The following SEPTIN3 variants were observed in gnomAD, a reference collection of about 807,000 sequenced individuals.
SEPTIN3 encodes the protein septin 3.
Under a neutral mutation model 45.1 loss-of-function variants are expected in SEPTIN3, and 15 were observed. The observed-to-expected ratio is 0.33, with a 90% CI of 0.22 to 0.51. The LOEUF (loss-of-function observed/expected upper bound fraction) is 0.51, where lower values mean the gene tolerates loss of function less well. Ranked by LOEUF, SEPTIN3 falls within the 20% of genes least tolerant of loss-of-function variation. The probability of loss-of-function intolerance (pLI) is 0.97; values close to 1 mark genes in which losing one functional copy is unlikely to be tolerated. For missense variants in SEPTIN3, 289 were observed against 457.2 expected (o/e 0.63, Z 3.35); for synonymous variants, 148 against 164.8 (o/e 0.90, Z 0.78).
chr22:41,986,969 C>T (rs2078219395), intron 4 of SEPTIN3, among the ~76,000 whole-genome samples: 1 of 151,998 alleles, frequency 6.6e-6, no homozygotes, highest in African/African-American at 2.4e-5. Context: ...GAGTGAGACC[C>T]TGTCTCTTAA....
At chr22:41,973,529 C>T (rs1006995226) in intron 2 of SEPTIN3, among the ~76,000 whole-genome samples, 249 of 147,160 alleles carry the variant, frequency 1.7e-3, no homozygotes, top group African/African-American at 5.6e-3. Flanking sequence ...AAAAATTAGC[C>T]GGACGTGGTG....
chr22:41,991,503 A>G, intron 7 of SEPTIN3, 70 bp from the exon 8 acceptor site: 1 of 1,114,474 alleles, frequency 9.0e-7, no homozygotes, highest in Non-Finnish European at 1.4e-6. Flanking sequence ...GCTCACGCAC[A>G]CAGGTGCACA....
chr22:41,976,501 C>G lies in SEPTIN3; in HGVS notation c.1504+3505C>G, dbSNP rs374363864. On this transcript the variant is annotated intron_variant, in intron 2 of 11. Transcript: ENST00000644076. The surrounding 1 kb of genome is among the most constrained non-coding windows in gnomAD (Gnocchi z 5.8). ...CACCCGCGCAACACCCCAGCCCCCG[C>G]GTGACTCACGCGCGCTCACGGCCGC... The G allele has an allele frequency of 6.6e-6, 1 of 152,458 alleles. No homozygotes were observed. 9.4% of individuals were successfully genotyped at this position (152,458 alleles called of 1,614,324 possible). A position where few individuals can be genotyped will look rare whatever the true frequency, so the allele number is the denominator to read the frequency against.
intron 2 of SEPTIN3, among the ~76,000 whole-genome samples, chr22:41,978,362 G>A (rs931068361): frequency 6.6e-6 from 1 of 152,208 alleles, no homozygotes; most frequent in Non-Finnish European, 1.5e-5. Context: ...CCCTAAAGAA[G>A]GGTGAGAACT....
chr22:41,976,946 G>C lies in SEPTIN3; in HGVS notation c.1504+3950G>C, dbSNP rs535227281. 1 of 855,674 alleles carries C rather than the reference G, an allele frequency of 1.2e-6. No homozygotes were observed. The highest frequency in any genetic ancestry group is 2.6e-5 in the South Asian group (1 of 38,688). The allele number at this position is 855,674 out of a possible 1,614,324, so 53.0% of individuals were successfully genotyped here. ...CGGGCCGGGCGGGTGGGAGGAGAGCGCGAAGGGGCGAGGCCCGTTTGCAGG... is the reference window on the plus strand; with the variant it reads ...CGGGCCGGGCGGGTGGGAGGAGAGCCCGAAGGGGCGAGGCCCGTTTGCAGG... On this transcript the variant is annotated intron_variant, in intron 2 of 11. Transcript: ENST00000644076. This position sits in a 1 kb window ranked among gnomAD's most constrained non-coding sequence, Gnocchi z 5.8.
At chr22:41,986,228 A>C in intron 4 of SEPTIN3, 116 bp downstream of exon 4, 1 of 1,264,060 alleles carries the variant, frequency 7.9e-7, no homozygotes, top group South Asian at 1.4e-5. Flanking sequence ...TTAAGACAAA[A>C]CAGACGTGAG....
chr22:41,985,756 A>G, intron 3 of SEPTIN3: 1 of 382,150 alleles, frequency 2.6e-6, no homozygotes, highest in Non-Finnish European at 4.8e-6. Flanking sequence ...GGCTCTGGGA[A>G]GGAGAGAATA....
intron 3 of SEPTIN3, among the ~76,000 whole-genome samples, chr22:41,984,633 T>G (rs2146695452): frequency 6.6e-6 from 1 of 152,000 alleles, no homozygotes; most frequent in East Asian, 1.9e-4. Context: ...CCTCCTGGGT[T>G]CAAACGATCC....
intron 6 of SEPTIN3, among the ~76,000 whole-genome samples, chr22:41,988,804 C>A (rs2078251732): frequency 6.6e-6 from 1 of 152,024 alleles, no homozygotes. Flanking sequence ...TAGGAGGAGA[C>A]CTGTCAAGAA....
chr22:41,970,778 C>T (rs2077950753), intron 1 of SEPTIN3, among the ~76,000 whole-genome samples: 2 of 152,310 alleles, frequency 1.3e-5, no homozygotes, highest in East Asian at 1.9e-4. Flanking sequence ...GCCTGGCATC[C>T]CTGGGCATGG....
intron 3 of SEPTIN3, among the ~76,000 whole-genome samples, chr22:41,983,263 G>T (rs377069573): frequency 3.9e-5 from 6 of 152,204 alleles, no homozygotes; most frequent in Non-Finnish European, 7.3e-5. Flanking sequence ...TGTGCTCAGT[G>T]ACAAGGTAGA....
intron 8 of SEPTIN3, among the ~76,000 whole-genome samples, chr22:41,992,280 G>C (rs577042147): frequency 1.1e-4 from 17 of 152,310 alleles, no homozygotes; most frequent in Admixed American, 3.9e-4. Context: ...TCGGGAGGCT[G>C]AGGCAGGAGA....
intron 11 of SEPTIN3, chr22:41,995,008 T>G: frequency 4.6e-6 from 6 of 1,292,732 alleles, no homozygotes; most frequent in Non-Finnish European, 5.9e-6. Context: ...CCTTGTAAGT[T>G]TGGCTCCTCC....
Position 41,994,783 on chromosome 22 carries a change from T to C in SEPTIN3, c.2505+69T>C. The C allele has an allele frequency of 2.5e-6, 4 of 1,612,820 alleles. No individual in the cohort carries two copies. The highest frequency in any genetic ancestry group is 3.4e-6 in the Non-Finnish European group (4 of 1,179,650). On this transcript the variant is annotated intron_variant, in intron 11 of 11. Transcript: ENST00000644076. This position sits in a 1 kb window ranked among gnomAD's most constrained non-coding sequence, Gnocchi z 4.2. ...GACCACTTCTCTGTGTCATCACACATACCCACTTCACACACACACATCCCA... is the reference window on the plus strand; with the variant it reads ...GACCACTTCTCTGTGTCATCACACACACCCACTTCACACACACACATCCCA...
Position 41,972,816 on chromosome 22 carries a change from AC to A in SEPTIN3, c.1328del (p.Pro443GlnfsTer16). On this transcript the variant is annotated frameshift_variant, in exon 2 of 12. Coordinates refer to ENST00000644076, the MANE Select transcript of SEPTIN3 (RefSeq NM_001363845.2). LOFTEE classifies it high-confidence loss of function. ...GTAVGSVVPV[T>X]PDPATGKTTL... The stretch of plus-strand genomic sequence containing the variant: ...AGCTGTGGGTTCAGTTGTGCCAGTA[AC>A]CCCAGACCCAGCCACTGGGAAGACC... 1 of 399,054 alleles carries A rather than the reference AC, an allele frequency of 2.5e-6. No homozygotes were observed. The highest frequency in any genetic ancestry group is 6.3e-4 in the Middle Eastern group (1 of 1,588). 24.7% of individuals were successfully genotyped at this position (399,054 alleles called of 1,614,324 possible).
At position 41,974,353 on chromosome 22, in the gene SEPTIN3, G is replaced by A. The variant is rs544066340; in HGVS notation, c.1504+1357G>A. On this transcript the variant is annotated intron_variant, in intron 2 of 11. Transcript: ENST00000644076. ...TGGGAGGCTAAGGCGGGTGGATCACGAGGTGAGTTGTTCAAGACTAGCCTG... is the reference window on the plus strand; with the variant it reads ...TGGGAGGCTAAGGCGGGTGGATCACAAGGTGAGTTGTTCAAGACTAGCCTG... 1.3e-4 allele frequency among the ~76,000 whole-genome samples: 20 copies of A among 152,046 alleles called. No homozygotes were observed. In the East Asian group the frequency reaches 3.5e-3, roughly 27 times the overall value.
intron 2 of SEPTIN3, among the ~76,000 whole-genome samples, chr22:41,979,128 G>A (rs566480203): frequency 1.6e-4 from 24 of 152,226 alleles, no homozygotes; most frequent in Admixed American, 3.9e-4. Flanking sequence ...TGTGCTTGTT[G>A]GAGGAATGAA....
intron 8 of SEPTIN3, among the ~76,000 whole-genome samples, chr22:41,991,888 C>A (rs1017816647): frequency 1.3e-5 from 2 of 152,110 alleles, no homozygotes; most frequent in Non-Finnish European, 2.9e-5. Context: ...CCCCAGACCA[C>A]ATAAAAGCCT....
In SEPTIN3 at chr22:41,976,914, G is replaced by T. The variant is rs1248997855; in HGVS notation, c.1504+3918G>T. ...GCGCGGGGCGCAGGGGCGGCGCGGC[G>T]GGGCCGCGGGCCGGGCGGGTGGGAG... On this transcript the variant is annotated intron_variant, in intron 2 of 11. Coordinates refer to ENST00000644076, the MANE Select transcript of SEPTIN3 (RefSeq NM_001363845.2). The surrounding 1 kb of genome is among the most constrained non-coding windows in gnomAD (Gnocchi z 5.8). 3 of 366,296 alleles carry T rather than the reference G, an allele frequency of 8.2e-6. No individual in the cohort carries two copies. Among genetic ancestry groups the T allele is most frequent in the Non-Finnish European group, 7.9e-6 (2 of 252,460 alleles). The allele number at this position is 366,296 out of a possible 1,614,324, so 22.7% of individuals were successfully genotyped here.
Sources: allele counts gnomAD v4.1 joint callset (sites outside exome capture counted in the v4.1 genomes callset), GRCh38; gene constraint gnomAD v4.1.1; non-coding constraint Gnocchi (gnomAD v3.1); transcripts MANE v1.5; gene names NCBI Gene and HGNC (gene_info 2026-07-23, HGNC 2026-07-21).